The following PARD3B variants were observed in gnomAD, a reference collection of about 807,000 sequenced individuals.
PARD3B encodes the protein partitioning defective 3 homolog B.
A neutral mutation model predicts 130.2 loss-of-function variants in PARD3B; 103 were observed. The ratio of observed to expected loss-of-function variants is 0.79; its 90% CI spans 0.67 to 0.93. The LOEUF is 0.93. Among genes scored for constraint, PARD3B ranks in the 40% least tolerant of loss-of-function variants. PARD3B has a pLI of 0.00. For synonymous variants in PARD3B, 583 were observed against 553.2 expected, an observed-to-expected ratio of 1.05 and a Z score of -0.76; for missense variants, 1,609 against 1,499.2, an observed-to-expected ratio of 1.07 and a Z score of -1.21.
rs548994821 is a variant in PARD3B at position 205,253,487 on chromosome 2, G to A, written c.2185+7665G>A. On this transcript the variant is annotated intron_variant, in intron 16 of 22. Coordinates refer to ENST00000406610, the MANE Select transcript of PARD3B (RefSeq NM_001302769.2). The surrounding 1 kb of genome is among the most constrained non-coding windows in gnomAD (Gnocchi z 4.4). ...TGGATGCAAAGAGACCAAACTTGGCGGGCACTGGAAGTACCTGGGGAAGCA... is the reference window on the plus strand; with the variant it reads ...TGGATGCAAAGAGACCAAACTTGGCAGGCACTGGAAGTACCTGGGGAAGCA... The A allele has an allele frequency of 1.1e-5, 6 of 557,860 alleles. No homozygotes were observed. The highest frequency in any genetic ancestry group is 2.8e-5 in the South Asian group (2 of 72,456). The allele number at this position is 557,860 out of a possible 1,614,324, so 34.6% of individuals were successfully genotyped here. A position where few individuals can be genotyped will look rare whatever the true frequency, so the allele number is the denominator to read the frequency against.
At chr2:204,555,438 A>G (rs2030851949) in intron 1 of PARD3B, among the ~76,000 whole-genome samples, 1 of 152,118 alleles carries the variant, frequency 6.6e-6, no homozygotes, top group African/African-American at 2.4e-5. Context: ...CACACCTGTA[A>G]TCCCAGCTAC....
intron 3 of PARD3B, among the ~76,000 whole-genome samples, chr2:204,991,234 A>T (rs1178961969): frequency 2.0e-5 from 1 of 49,846 alleles, no homozygotes; most frequent in African/African-American, 8.2e-5. Flanking sequence ...CCCTCCCCCC[A>T]ACCCACCACA....
intron 22 of PARD3B, among the ~76,000 whole-genome samples, chr2:205,606,027 G>T (rs116810912): frequency 6.6e-6 from 1 of 152,120 alleles, no homozygotes; most frequent in Non-Finnish European, 1.5e-5. Context: ...GTCTGGCCAC[G>T]ATCCGCCACA....
At chr2:205,124,686 C>T (rs1045871034) in intron 9 of PARD3B, among the ~76,000 whole-genome samples, 2 of 152,100 alleles carry the variant, frequency 1.3e-5, no homozygotes, top group Non-Finnish European at 2.9e-5. Context: ...GATATGGGGC[C>T]AAATGATAGT....
intron 4 of PARD3B, among the ~76,000 whole-genome samples, chr2:205,099,004 T>C (rs910565679): frequency 6.6e-6 from 1 of 152,170 alleles, no homozygotes; most frequent in African/African-American, 2.4e-5. Flanking sequence ...CTACATATGA[T>C]CTGTCTGTTC....
intron 1 of PARD3B, among the ~76,000 whole-genome samples, chr2:204,555,548 A>G (rs1183833860): frequency 1.3e-5 from 2 of 152,136 alleles, no homozygotes; most frequent in African/African-American, 2.4e-5. Flanking sequence ...ACAGAGCAAG[A>G]TGCCGTCTTA....
In PARD3B at chr2:205,119,229, C is replaced by G. The variant is rs1294872456; in HGVS notation, c.806+183C>G. ...CTACTCAAAGGTGGCCCACACATGT[C>G]TCTGGCAGGTCTGAGAATGCTAAAC... On this transcript the variant is annotated intron_variant, in intron 7 of 22. Transcript: ENST00000406610. Among the ~76,000 whole-genome samples the G allele has an allele frequency of 3.3e-5, 5 of 152,280 alleles. No homozygotes were observed. In the East Asian group the frequency reaches 9.7e-4, roughly 29 times the overall value.
intron 1 of PARD3B, among the ~76,000 whole-genome samples, chr2:204,658,963 T>A (rs1294409239): frequency 6.6e-6 from 1 of 152,170 alleles, no homozygotes. Flanking sequence ...TCGGTTCCAT[T>A]TCTTTGGAGG....
At chr2:204,619,191 G>C (rs1157087507) in intron 1 of PARD3B, among the ~76,000 whole-genome samples, 2 of 152,128 alleles carry the variant, frequency 1.3e-5, no homozygotes, top group East Asian at 3.9e-4. Context: ...GAATGAAGAA[G>C]GTCAGCTTCT....
intron 19 of PARD3B, among the ~76,000 whole-genome samples, chr2:205,413,141 C>A (rs1220673914): frequency 6.6e-6 from 1 of 152,124 alleles, no homozygotes; most frequent in African/African-American, 2.4e-5. Flanking sequence ...AGAAAACTTT[C>A]TGATCTTGAT....
intron 2 of PARD3B, among the ~76,000 whole-genome samples, chr2:204,693,711 C>T (rs2037458674): frequency 6.6e-6 from 1 of 151,994 alleles, no homozygotes; most frequent in Admixed American, 6.6e-5. Context: ...TTCTCTAAAC[C>T]CACTTCAACC....
chr2:205,272,499 G>A (rs569107084), intron 16 of PARD3B, among the ~76,000 whole-genome samples: 2 of 152,252 alleles, frequency 1.3e-5, no homozygotes, highest in South Asian at 2.1e-4. Context: ...GGATGTGTTT[G>A]ACTGCAAATA....
chr2:205,453,958 C>G (rs2048188324), intron 20 of PARD3B, among the ~76,000 whole-genome samples: 1 of 152,126 alleles, frequency 6.6e-6, no homozygotes, highest in Non-Finnish European at 1.5e-5. Flanking sequence ...CATGCTGCTG[C>G]TGACCTGCCA....
At chr2:204,562,843 C>G (rs112608224) in intron 1 of PARD3B, among the ~76,000 whole-genome samples, 2,284 of 149,072 alleles carry the variant, frequency 0.015, 64 homozygotes, top group African/African-American at 0.054. Flanking sequence ...TTTTTTTTTT[C>G]GTTGCTGTAA....
intron 19 of PARD3B, among the ~76,000 whole-genome samples, chr2:205,403,556 T>G (rs1438191227): frequency 6.6e-6 from 1 of 152,086 alleles, no homozygotes; most frequent in Non-Finnish European, 1.5e-5. Flanking sequence ...TTCTTGTAGC[T>G]GAGTTTCTCA....
chr2:204,799,112 A>G lies in PARD3B; in HGVS notation c.222+112830A>G, dbSNP rs2125495713. On this transcript the variant is annotated intron_variant, in intron 2 of 22. Coordinates refer to ENST00000406610, the MANE Select transcript of PARD3B (RefSeq NM_001302769.2). The surrounding 1 kb of genome is among the most constrained non-coding windows in gnomAD (Gnocchi z 4.1). Reference sequence around the variant, plus strand: ...TTTGGCTCCTGGACATTATTTTTGGACCTGCTATGGGCCAGACGGGAGCCC... The same window carrying G: ...TTTGGCTCCTGGACATTATTTTTGGGCCTGCTATGGGCCAGACGGGAGCCC... Among the ~76,000 whole-genome samples the G allele has an allele frequency of 6.6e-6, 1 of 152,018 alleles. No homozygotes were observed. The highest frequency in any genetic ancestry group is 2.4e-5 in the African/African-American group (1 of 41,448).
intron 15 of PARD3B, 151 bp downstream of exon 15, chr2:205,193,471 T>G: frequency 1.6e-6 from 1 of 611,724 alleles, no homozygotes; most frequent in Non-Finnish European, 3.0e-6. Flanking sequence ...CCCACCTTCC[T>G]ATCTCTTCGC....
intron 2 of PARD3B, among the ~76,000 whole-genome samples, chr2:204,738,201 A>T (rs757565405): frequency 6.6e-6 from 1 of 152,178 alleles, no homozygotes; most frequent in African/African-American, 2.4e-5. Flanking sequence ...CTTCTAATCC[A>T]TGAGCATGGG....
chr2:205,259,197 C>T (rs770373878), intron 16 of PARD3B, among the ~76,000 whole-genome samples: 14 of 152,074 alleles, frequency 9.2e-5, no homozygotes, highest in Non-Finnish European at 1.6e-4. Flanking sequence ...TTACCAATTT[C>T]TTAACTCACC....
Sources: allele counts gnomAD v4.1 joint callset (sites outside exome capture counted in the v4.1 genomes callset), GRCh38; gene constraint gnomAD v4.1.1; non-coding constraint Gnocchi (gnomAD v3.1); transcripts MANE v1.5; gene names NCBI Gene and HGNC (gene_info 2026-07-23, HGNC 2026-07-21).